The following SLC8A1 variants were observed in gnomAD, a reference collection of about 807,000 sequenced individuals.
The protein encoded by SLC8A1 is sodium/calcium exchanger 1.
In SLC8A1, 18 loss-of-function variants were observed where a neutral mutation model predicts 68.3. The observed-to-expected ratio is 0.26, with a 90% confidence interval of 0.18 to 0.39. The LOEUF (loss-of-function observed/expected upper bound fraction) is 0.39. SLC8A1 is among the 10% of genes least tolerant of loss of function. The pLI, the probability that SLC8A1 is intolerant of heterozygous loss-of-function variation, is 1.00. For missense variants in SLC8A1, 985 were observed against 1,156.7 expected, an observed-to-expected ratio of 0.85 and a Z score of 2.15; for synonymous variants, 475 against 415.5, an observed-to-expected ratio of 1.14 and a Z score of -1.74.
intron 1 of SLC8A1, among the ~76,000 whole-genome samples, chr2:40,461,053 C>T (rs1434087954): frequency 6.6e-6 from 1 of 152,028 alleles, no homozygotes; most frequent in Non-Finnish European, 1.5e-5. Flanking sequence ...CCATTTTTTT[C>T]TTTGGCCCAA....
chr2:40,444,954 G>T (rs957363256), intron 1 of SLC8A1, among the ~76,000 whole-genome samples: 3 of 152,164 alleles, frequency 2.0e-5, no homozygotes, highest in African/African-American at 7.2e-5. Context: ...TTACCTTCCT[G>T]TGGCAACCCC....
At chr2:40,372,712 C>T (rs1678526036) in intron 2 of SLC8A1, among the ~76,000 whole-genome samples, 1 of 152,036 alleles carries the variant, frequency 6.6e-6, no homozygotes, top group Admixed American at 6.6e-5. Context: ...AAGACACTTC[C>T]AGACTAAGTT....
chr2:40,157,988 G>A (rs1271365317), intron 6 of SLC8A1, among the ~76,000 whole-genome samples: 2 of 152,136 alleles, frequency 1.3e-5, no homozygotes, highest in African/African-American at 4.8e-5. Flanking sequence ...ATTGCCACAG[G>A]GTTGACTTTG....
intron 2 of SLC8A1, among the ~76,000 whole-genome samples, chr2:40,328,593 A>G (rs4952609): frequency 0.34 from 51,476 of 151,878 alleles, 9,366 homozygotes; most frequent in African/African-American, 0.46. Context: ...GCATACATAC[A>G]TTTTCCACTG....
intron 2 of SLC8A1, among the ~76,000 whole-genome samples, chr2:40,414,369 T>A (rs931875480): frequency 8.5e-5 from 13 of 152,192 alleles, no homozygotes; most frequent in Admixed American, 5.2e-4. Context: ...TGTGTTTTAA[T>A]GTGACAGTGT....
chr2:40,184,103 G>A (rs758626143), intron 2 of SLC8A1, among the ~76,000 whole-genome samples: 1 of 152,080 alleles, frequency 6.6e-6, no homozygotes, highest in Non-Finnish European at 1.5e-5. Flanking sequence ...TTGAGCCCAG[G>A]AAGTTGAGGC....
chr2:40,164,732 G>A, intron 5 of SLC8A1, 122 bp downstream of exon 8: 1 of 1,322,118 alleles, frequency 7.6e-7, no homozygotes, highest in Non-Finnish European at 1.0e-6. Flanking sequence ...CAATTCACAA[G>A]CCAGTTCCTG....
intron 2 of SLC8A1, among the ~76,000 whole-genome samples, chr2:40,415,493 A>G (rs758912653): frequency 6.6e-6 from 1 of 151,710 alleles, no homozygotes; most frequent in Non-Finnish European, 1.5e-5. Context: ...TGGCTTAAGC[A>G]TAAAGGATTA....
At chr2:40,366,672 G>C (rs965792331) in intron 2 of SLC8A1, among the ~76,000 whole-genome samples, 2 of 151,770 alleles carry the variant, frequency 1.3e-5, no homozygotes, top group African/African-American at 2.4e-5. Flanking sequence ...CAAAAATTTG[G>C]TCTTTTTCTG....
intron 2 of SLC8A1, among the ~76,000 whole-genome samples, chr2:40,187,342 A>G (rs1475571175): frequency 2.0e-5 from 3 of 152,212 alleles, no homozygotes; most frequent in African/African-American, 7.2e-5. Context: ...TCCAAGGACA[A>G]GAGTTGCTAA....
At chr2:40,111,002 A>G (rs1036464181) in exon 8 of SLC8A1, 19 of 152,268 alleles carry the variant, frequency 1.2e-4, no homozygotes, top group Admixed American at 3.3e-4. Context: ...CCCTGTGGAA[A>G]ATGCAATGTG....
chr2:40,421,594 A>T (rs899727920), intron 2 of SLC8A1, among the ~76,000 whole-genome samples: 18 of 152,192 alleles, frequency 1.2e-4, no homozygotes, highest in Non-Finnish European at 2.1e-4. Context: ...TTGCCCTGTT[A>T]TCATGAGCAC....
At chr2:40,253,663 T>C (rs926341332) in intron 2 of SLC8A1, among the ~76,000 whole-genome samples, 7 of 148,468 alleles carry the variant, frequency 4.7e-5, no homozygotes, top group African/African-American at 1.5e-4. Flanking sequence ...CTATCTCTAC[T>C]AAAAAATACA....
At chr2:40,125,061 A>G (rs1438665675) in intron 7 of SLC8A1, among the ~76,000 whole-genome samples, 2 of 152,210 alleles carry the variant, frequency 1.3e-5, no homozygotes, top group Non-Finnish European at 2.9e-5. Context: ...TCTATTTACA[A>G]AGAGCATGTA....
intron 1 of SLC8A1, among the ~76,000 whole-genome samples, chr2:40,475,439 A>C (rs1156512472): frequency 6.6e-6 from 1 of 152,084 alleles, no homozygotes; most frequent in Non-Finnish European, 1.5e-5. Context: ...GGCCTATAAA[A>C]ATTATTGAGG....
intron 1 of SLC8A1, among the ~76,000 whole-genome samples, chr2:40,487,409 G>C (rs1213001160): frequency 6.6e-6 from 1 of 151,992 alleles, no homozygotes; most frequent in African/African-American, 2.4e-5. Flanking sequence ...CACATCTCTT[G>C]TTCTCTTTTT....
At chr2:40,248,550 A>AAATACATTTCTGTTGTT (rs1265327953) in intron 2 of SLC8A1, among the ~76,000 whole-genome samples, 1 of 152,196 alleles carries the variant, frequency 6.6e-6, no homozygotes. Context: ...GAACTGTGGG[A>AAATACATTTCTGTTGTT]AATACATTTC....
At position 40,226,302 on chromosome 2, in the gene SLC8A1, A is replaced by G. The variant is rs546920089; in HGVS notation, c.1809-48447T>C. On this transcript the variant is annotated intron_variant, in intron 2 of 7. Transcript: ENST00000406785. ...TAATTACATAATGATCCAAGGCTCA[A>G]GAGAGGCTGGAGGTTTGGATGCATT... Among the ~76,000 whole-genome samples, 15 of 152,294 alleles carry G rather than the reference A, an allele frequency of 9.8e-5. No homozygotes were observed. In the South Asian group the frequency reaches 2.1e-3, roughly 21 times the overall value.
At chr2:40,361,455 T>C (rs1437394129) in intron 2 of SLC8A1, among the ~76,000 whole-genome samples, 1 of 131,892 alleles carries the variant, frequency 7.6e-6, no homozygotes. Flanking sequence ...GTAGAGCTCC[T>C]GAAGGAGCCT....
Sources: allele counts gnomAD v4.1 joint callset (sites outside exome capture counted in the v4.1 genomes callset), GRCh38; gene constraint gnomAD v4.1.1; transcripts MANE v1.5; gene names NCBI Gene and HGNC (gene_info 2026-07-23, HGNC 2026-07-21).